TENM1: variants seen among roughly 807,000 people sequenced by gnomAD.
TENM1 encodes the protein teneurin-1.
In TENM1, 35 loss-of-function variants were observed where a neutral mutation model predicts 174.8. The ratio of observed to expected loss-of-function variants is 0.20; its 90% CI spans 0.15 to 0.27. TENM1 has a LOEUF of 0.27. Among genes scored for constraint, TENM1 ranks in the 10% least tolerant of loss-of-function variants. TENM1 has a pLI of 1.00. For missense variants in TENM1, 1,633 were observed against 2,130.1 expected (o/e 0.77, Z 4.59); for synonymous variants, 781 against 798.7 (o/e 0.98, Z 0.37).
intron 3 of TENM1, among the ~76,000 whole-genome samples, chrX:124,801,483 G>C (rs955850948): frequency 1.8e-5 from 2 of 111,566 alleles, no homozygotes; most frequent in African/African-American, 6.5e-5. Flanking sequence ...GTGTGTCTTT[G>C]CATGTAAGAT....
the TENM1 span, among the ~76,000 whole-genome samples, chrX:125,078,856 T>A: frequency 8.9e-6 from 1 of 111,929 alleles, no homozygotes; most frequent in Non-Finnish European, 1.9e-5. Flanking sequence ...ATATTCTGAA[T>A]GCTTAGTAAG....
At chrX:125,099,802 C>T in the TENM1 span, among the ~76,000 whole-genome samples, 1 of 112,228 alleles carries the variant, frequency 8.9e-6, no homozygotes, top group African/African-American at 3.2e-5. Context: ...ACACTCATCA[C>T]ACTTCTGAGA....
At chrX:125,178,862 C>T in the TENM1 span, among the ~76,000 whole-genome samples, 1 of 110,538 alleles carries the variant, frequency 9.0e-6, no homozygotes, top group Non-Finnish European at 1.9e-5. Context: ...GTCCCAACCA[C>T]TCAGGAGGCT....
Position 124,711,197 on chromosome X carries a change from G to T in TENM1, c.777-5946C>A, listed in dbSNP as rs548244254. ...TACCAAAAGGAAATGGGCATATAAA[G>T]AAATTAAAAAAAAAATCTTCAAGAA... On this transcript the variant is annotated intron_variant, in intron 4 of 31. Transcript: ENST00000422452. Among the ~76,000 whole-genome samples, 31 of 110,228 alleles carry T rather than the reference G, an allele frequency of 2.8e-4. No individual in the cohort carries two copies. In the South Asian group the frequency reaches 0.012, roughly 41 times the overall value.
chrX:124,601,602 A>G (rs1487765340), intron 11 of TENM1, among the ~76,000 whole-genome samples: 1 of 111,297 alleles, frequency 9.0e-6, no homozygotes, highest in Non-Finnish European at 1.9e-5. Context: ...GAATAACAAA[A>G]TGAGGTAACC....
chrX:124,468,182 T>C (rs2061261014), intron 22 of TENM1, among the ~76,000 whole-genome samples: 1 of 110,236 alleles, frequency 9.1e-6, no homozygotes, highest in Non-Finnish European at 1.9e-5. Flanking sequence ...TCTTTCTTTT[T>C]TTTTTCTTTT....
the TENM1 span, among the ~76,000 whole-genome samples, chrX:125,135,834 C>G: frequency 4.5e-5 from 5 of 111,773 alleles, no homozygotes; most frequent in Non-Finnish European, 9.4e-5. Context: ...CTAAATGCAA[C>G]TTAATTGTTA....
At chrX:124,664,858 G>A (rs896063870) in intron 6 of TENM1, among the ~76,000 whole-genome samples, 4 of 110,832 alleles carry the variant, frequency 3.6e-5, no homozygotes, top group Non-Finnish European at 5.7e-5. Flanking sequence ...CAAGATAGCC[G>A]TTATTTAAAC....
chrX:124,989,262 C>T, the TENM1 span, among the ~76,000 whole-genome samples: 10 of 111,420 alleles, frequency 9.0e-5, no homozygotes, highest in Non-Finnish European at 1.5e-4. Context: ...CAATAAACAA[C>T]TGGAAAATAA....
At chrX:124,856,805 T>C (rs1466141094) in intron 3 of TENM1, among the ~76,000 whole-genome samples, 1 of 111,075 alleles carries the variant, frequency 9.0e-6, no homozygotes, top group East Asian at 2.8e-4. Flanking sequence ...AAATTTCAGA[T>C]AGTGACGTGG....
chrX:125,017,090 A>C, the TENM1 span, among the ~76,000 whole-genome samples: 14 of 112,264 alleles, frequency 1.2e-4, no homozygotes, highest in East Asian at 3.6e-3. Flanking sequence ...CTTAAATGTA[A>C]GACCTAAAAC....
chrX:124,920,378 AG>A (rs2058000894), intron 1 of TENM1, among the ~76,000 whole-genome samples: 1 of 111,097 alleles, frequency 9.0e-6, no homozygotes, highest in African/African-American at 3.3e-5. Context: ...CATATTTGCA[AG>A]GAATTTCTTT....
chrX:124,995,499 G>C, the TENM1 span, among the ~76,000 whole-genome samples: 4 of 111,509 alleles, frequency 3.6e-5, no homozygotes, highest in African/African-American at 1.3e-4. Context: ...AAGGCACAAT[G>C]CTGCTCCTAT....
chrX:125,166,041 C>T, the TENM1 span, among the ~76,000 whole-genome samples: 2 of 111,039 alleles, frequency 1.8e-5, no homozygotes, highest in East Asian at 2.8e-4. Context: ...ACACCCTACT[C>T]GTTAGGGAGT....
At chrX:124,896,585 G>A (rs939904294) in intron 1 of TENM1, among the ~76,000 whole-genome samples, 2 of 111,389 alleles carry the variant, frequency 1.8e-5, no homozygotes, top group Admixed American at 9.6e-5. Flanking sequence ...TTCTTTTCTA[G>A]GAAGAATATA....
At chrX:124,886,542 TATATATAGAGAGAGAG>T (rs2057389319) in intron 3 of TENM1, among the ~76,000 whole-genome samples, 1 of 88,670 alleles carries the variant, frequency 1.1e-5, no homozygotes, top group South Asian at 5.6e-4. Flanking sequence ...TATATATATA[TATATATAGAGAGAGAG>T]AGAGAGAGAG....
intron 5 of TENM1, among the ~76,000 whole-genome samples, chrX:124,687,881 C>T (rs1167951626): frequency 1.8e-5 from 2 of 112,440 alleles, no homozygotes; most frequent in African/African-American, 6.4e-5. Context: ...CAGAGAGCAG[C>T]GTGGTGGCTG....
the TENM1 span, among the ~76,000 whole-genome samples, chrX:125,119,853 T>C: frequency 9.0e-6 from 1 of 111,528 alleles, no homozygotes; most frequent in Non-Finnish European, 1.9e-5. Context: ...ATGGGTGTCA[T>C]CTTATAATTG....
chrX:124,980,243 G>A, the TENM1 span, among the ~76,000 whole-genome samples: 1 of 111,169 alleles, frequency 9.0e-6, no homozygotes, highest in Non-Finnish European at 1.9e-5. Flanking sequence ...AGAAAGGGGA[G>A]TTGAGTGGCT....
Sources: gnomAD v4.1 joint callset for allele counts (sites outside exome capture counted in the v4.1 genomes callset) on GRCh38, gnomAD v4.1.1 for gene constraint, MANE v1.5 for transcripts, NCBI Gene and HGNC (gene_info 2026-07-23, HGNC 2026-07-21) for gene names.